DCC: variants seen among roughly 807,000 people sequenced by gnomAD.
DCC encodes the protein DCC netrin 1 receptor.
In DCC, 58 loss-of-function variants were observed where a neutral mutation model predicts 172.5. That is an observed-to-expected ratio of 0.34 (90% confidence interval 0.27 to 0.42). The LOEUF (loss-of-function observed/expected upper bound fraction) is 0.42. DCC is among the 10% of genes least tolerant of loss of function. The probability of loss-of-function intolerance (pLI) is 1.00; values close to 1 mark genes in which losing one functional copy is unlikely to be tolerated. For synonymous variants in DCC, 709 were observed against 644.5 expected (o/e 1.10, Z -1.52); for missense variants, 1,740 against 1,791.0 (o/e 0.97, Z 0.51).
chr18:52,554,834 G>A (rs1375118977), intron 1 of DCC, among the ~76,000 whole-genome samples: 2 of 151,962 alleles, frequency 1.3e-5, no homozygotes, highest in Non-Finnish European at 2.9e-5. Flanking sequence ...GATCTGAAAA[G>A]GAAAAGACTC....
intron 26 of DCC, among the ~76,000 whole-genome samples, chr18:53,487,886 AATAGG>A (rs568426125): frequency 4.5e-4 from 69 of 152,294 alleles, no homozygotes; most frequent in Non-Finnish European, 8.7e-4. Flanking sequence ...AAGGGAATTA[AATAGG>A]AAAGATGTAG....
At chr18:52,920,280 A>G (rs2040102874) in intron 3 of DCC, among the ~76,000 whole-genome samples, 1 of 152,080 alleles carries the variant, frequency 6.6e-6, no homozygotes, top group Admixed American at 6.6e-5. Flanking sequence ...AAAACAACCC[A>G]CAGATTGAAA....
At chr18:52,471,644 T>C (rs1189651222) in intron 1 of DCC, among the ~76,000 whole-genome samples, 2 of 152,156 alleles carry the variant, frequency 1.3e-5, no homozygotes, top group Non-Finnish European at 2.9e-5. Flanking sequence ...GACAAAAAAT[T>C]ATATAGAGCT....
Position 53,420,020 on chromosome 18 carries a change from A to AT in DCC, c.3163+3871dup, listed in dbSNP as rs549392959. 5.3e-4 allele frequency among the ~76,000 whole-genome samples: 80 copies of AT among 151,768 alleles called. 1 individual carries two copies. In the South Asian group the frequency reaches 0.014, roughly 26 times the overall value. On this transcript the variant is annotated intron_variant, in intron 21 of 28. Coordinates refer to ENST00000442544, the MANE Select transcript of DCC (RefSeq NM_005215.4). ...AAGTGCGTGCCACCACACCTGGCTA[A>AT]TTTTTTTGTCTTTTTAGTAGAGACA... is the stretch of plus-strand genomic sequence containing the variant.
chr18:53,165,495 C>A lies in DCC; in HGVS notation c.1418+7983C>A, dbSNP rs113292460. ...ATATTGTGATGGAAAAAGAACAAGA[C>A]TCAGAATCCTAAGCATGACATTCTG... On this transcript the variant is annotated intron_variant, in intron 8 of 28. Coordinates refer to ENST00000442544, the MANE Select transcript of DCC (RefSeq NM_005215.4). Among the ~76,000 whole-genome samples, 1,204 of 152,276 alleles carry A rather than the reference C, an allele frequency of 7.9e-3. 16 individuals are homozygous for A. Among genetic ancestry groups the A allele is most frequent in the African/African-American group, 0.027 (1,121 of 41,548 alleles).
At chr18:52,545,668 T>C (rs2032591698) in intron 1 of DCC, among the ~76,000 whole-genome samples, 1 of 152,136 alleles carries the variant, frequency 6.6e-6, no homozygotes, top group Admixed American at 6.6e-5. Context: ...GTAATAAGGG[T>C]CATCTTTGAA....
intron 12 of DCC, among the ~76,000 whole-genome samples, chr18:53,274,302 G>A (rs187338261): frequency 1.6e-4 from 24 of 152,234 alleles, no homozygotes; most frequent in Middle Eastern, 3.4e-3. Flanking sequence ...GGAGCTACTC[G>A]TAGGGATTGT....
chr18:53,214,583 G>A (rs1187154317), intron 11 of DCC, among the ~76,000 whole-genome samples: 2 of 152,218 alleles, frequency 1.3e-5, no homozygotes, highest in East Asian at 3.9e-4. Flanking sequence ...TCTTGAAAAT[G>A]CCTGAGAACT....
At chr18:52,906,512 T>C (rs1170692938) in intron 3 of DCC, among the ~76,000 whole-genome samples, 184 bp downstream of exon 3, 1 of 152,120 alleles carries the variant, frequency 6.6e-6, no homozygotes, top group Non-Finnish European at 1.5e-5. Context: ...TGTTCTTTTT[T>C]TTTTTTTTCA....
At chr18:53,213,846 C>T (rs763213866) in intron 11 of DCC, among the ~76,000 whole-genome samples, 1 of 151,048 alleles carries the variant, frequency 6.6e-6, no homozygotes, top group African/African-American at 2.4e-5. Context: ...ATAATTATAA[C>T]GTTTAGAATA....
At chr18:52,771,727 G>A (rs1244522444) in intron 2 of DCC, among the ~76,000 whole-genome samples, 2 of 152,030 alleles carry the variant, frequency 1.3e-5, no homozygotes, top group African/African-American at 4.8e-5. Flanking sequence ...TAGCCAAAAG[G>A]CCAAGTAGCA....
chr18:52,821,876 G>C (rs2038413041), intron 2 of DCC, among the ~76,000 whole-genome samples: 1 of 152,150 alleles, frequency 6.6e-6, no homozygotes, highest in Non-Finnish European at 1.5e-5. Flanking sequence ...ATCACTTACA[G>C]AATCATTTAA....
At chr18:52,822,502 GA>G (rs1314175889) in intron 2 of DCC, among the ~76,000 whole-genome samples, 2 of 152,096 alleles carry the variant, frequency 1.3e-5, no homozygotes, top group African/African-American at 4.8e-5. Flanking sequence ...AAAATGTAAG[GA>G]AACTAACATA....
intron 2 of DCC, among the ~76,000 whole-genome samples, chr18:52,755,490 G>T (rs1215337365): frequency 6.6e-6 from 1 of 152,178 alleles, no homozygotes; most frequent in African/African-American, 2.4e-5. Flanking sequence ...TCATTTCAAG[G>T]CAATAAGGCT....
rs376677896 is a variant in DCC at position 52,351,963 on chromosome 18, C to T, written c.91+11085C>T. Reference sequence around the variant, plus strand: ...CTGGATGTTGCAAAGATTGTTGCTACACAGCCCTGTGGTCTTTGGTCTCGA... The same window carrying T: ...CTGGATGTTGCAAAGATTGTTGCTATACAGCCCTGTGGTCTTTGGTCTCGA... On this transcript the variant is annotated intron_variant, in intron 1 of 28. Transcript: ENST00000442544. Among the ~76,000 whole-genome samples the T allele has an allele frequency of 6.6e-5, 10 of 152,276 alleles. No individual in the cohort carries two copies. In the East Asian group the frequency reaches 7.7e-4, roughly 12 times the overall value.
Position 53,062,944 on chromosome 18 carries a change from TCTTTA to T in DCC, c.986-355_986-351del, listed in dbSNP as rs1454805743. Among the ~76,000 whole-genome samples the T allele has an allele frequency of 5.9e-5, 9 of 152,306 alleles. 1 individual carries two copies. In the East Asian group the frequency reaches 1.4e-3, roughly 23 times the overall value. On this transcript the variant is annotated intron_variant, in intron 5 of 28. Coordinates refer to ENST00000442544, the MANE Select transcript of DCC (RefSeq NM_005215.4). ...TGTCTCAGTTCCACCAGCTTCCCTT[TCTTTA>T]CTTTATCAGAATAGTTTCCAAAGAC...
intron 7 of DCC, among the ~76,000 whole-genome samples, chr18:53,097,350 A>G (rs1267782455): frequency 1.3e-5 from 2 of 152,172 alleles, no homozygotes; most frequent in African/African-American, 2.4e-5. Flanking sequence ...TGCTAACACT[A>G]CATCCTGTTG....
chr18:52,836,310 T>C (rs931896240), intron 2 of DCC, among the ~76,000 whole-genome samples: 13 of 152,128 alleles, frequency 8.5e-5, no homozygotes, highest in African/African-American at 2.7e-4. Flanking sequence ...CAAAACACAA[T>C]CATGCCCTTC....
At chr18:53,466,701 T>G (rs2045625852) in intron 24 of DCC, among the ~76,000 whole-genome samples, 1 of 152,060 alleles carries the variant, frequency 6.6e-6, no homozygotes, top group African/African-American at 2.4e-5. Flanking sequence ...AATTTTTGTA[T>G]TTTTAGTGGA....
Sources: allele counts gnomAD v4.1 joint callset (sites outside exome capture counted in the v4.1 genomes callset), GRCh38; gene constraint gnomAD v4.1.1; transcripts MANE v1.5; gene names NCBI Gene and HGNC (gene_info 2026-07-23, HGNC 2026-07-21).